KIAA0232: variants seen among roughly 807,000 people sequenced by gnomAD.
KIAA0232 encodes the protein uncharacterized protein KIAA0232.
In KIAA0232, 27 loss-of-function variants were observed where a neutral mutation model predicts 122.0. The ratio of observed to expected loss-of-function variants is 0.22; its 90% CI spans 0.16 to 0.31. The LOEUF (loss-of-function observed/expected upper bound fraction) is 0.31. KIAA0232 is among the 10% of genes least tolerant of loss of function. The pLI is 1.00. For missense variants in KIAA0232, 1,551 were observed against 1,634.2 expected (o/e 0.95, Z 0.88); for synonymous variants, 613 against 587.6 (o/e 1.04, Z -0.63).
At position 6,881,106 on chromosome 4, in the gene KIAA0232, C is replaced by G. The variant is rs1722053482; in HGVS notation, c.*140C>G. The stretch of plus-strand genomic sequence containing the variant: ...TCAGATTGGTAATAATTATCTTTCT[C>G]TTCTTGCTTATTTTAGAGTTGAGGA... On this transcript the variant is annotated 3_prime_UTR_variant, in exon 10 of 10. Coordinates refer to ENST00000307659, the MANE Select transcript of KIAA0232 (RefSeq NM_014743.3). The G allele has an allele frequency of 1.6e-6, 1 of 628,758 alleles. No individual in the cohort carries two copies. Among genetic ancestry groups the G allele is most frequent in the Non-Finnish European group, 2.5e-6 (1 of 407,468 alleles). The allele number at this position is 628,758 out of a possible 1,614,324, so 38.9% of individuals were successfully genotyped here.
At chr4:6,784,435 CG>C (rs371414718) in intron 1 of KIAA0232, among the ~76,000 whole-genome samples, 1 of 133,166 alleles carries the variant, frequency 7.5e-6, no homozygotes, top group Non-Finnish European at 1.6e-5. Context: ...CGGGTGAGGG[CG>C]GGGGGGGAGG....
chr4:6,848,108 A>G (rs973852331), intron 4 of KIAA0232, among the ~76,000 whole-genome samples: 2 of 152,222 alleles, frequency 1.3e-5, no homozygotes, highest in African/African-American at 4.8e-5. Context: ...ATTGTTATTT[A>G]AAGAGCCTTA....
chr4:6,791,004 C>G (rs1306983774), intron 1 of KIAA0232, among the ~76,000 whole-genome samples: 1 of 149,064 alleles, frequency 6.7e-6, no homozygotes, highest in Non-Finnish European at 1.5e-5. Flanking sequence ...CTGCAACCTC[C>G]ACCTCCCGGG....
intron 3 of KIAA0232, among the ~76,000 whole-genome samples, chr4:6,835,596 T>G (rs1300915116): frequency 6.6e-6 from 1 of 152,202 alleles, no homozygotes; most frequent in Non-Finnish European, 1.5e-5. Flanking sequence ...TAGGTATTTC[T>G]CCTAACGCTA....
intron 4 of KIAA0232, among the ~76,000 whole-genome samples, chr4:6,844,688 C>T (rs1050716547): frequency 6.6e-6 from 1 of 152,028 alleles, no homozygotes; most frequent in Non-Finnish European, 1.5e-5. Context: ...CACCTGCTTC[C>T]ACCTCCTGAA....
chr4:6,826,838 A>G (rs1163663904), intron 3 of KIAA0232, among the ~76,000 whole-genome samples: 3 of 152,236 alleles, frequency 2.0e-5, no homozygotes, highest in Admixed American at 6.5e-5. Context: ...TGGGTGCTAC[A>G]GGACATATAG....
chr4:6,843,263 A>C (rs1203250796), intron 4 of KIAA0232, among the ~76,000 whole-genome samples: 1 of 152,200 alleles, frequency 6.6e-6, no homozygotes, highest in East Asian at 1.9e-4. Flanking sequence ...GGTATGGTTT[A>C]AGTACCTTTA....
At chr4:6,808,826 G>A (rs1478033226) in intron 2 of KIAA0232, among the ~76,000 whole-genome samples, 2 of 152,188 alleles carry the variant, frequency 1.3e-5, no homozygotes, top group African/African-American at 4.8e-5. Flanking sequence ...GATTTGGGAA[G>A]TAGTTAGTTC....
intron 3 of KIAA0232, 91 bp downstream of exon 3, chr4:6,824,775 A>T (rs893638978): frequency 2.0e-5 from 22 of 1,073,444 alleles, no homozygotes; most frequent in Middle Eastern, 5.4e-4. Context: ...TTTAAAACTG[A>T]GCTATTCATG....
In KIAA0232 at chr4:6,818,727, T is replaced by C. The variant is rs190302072; in HGVS notation, c.-269-5458T>C. ...AGAACTGGAAAAAAAAAAAAACTAT[T>C]ACAAAATTCGTGTGGAACCAAAAAA... On this transcript the variant is annotated intron_variant, in intron 2 of 9. Transcript: ENST00000307659. 3.4e-3 allele frequency among the ~76,000 whole-genome samples: 521 copies of C among 151,898 alleles called. 3 individuals carry two copies. The highest frequency in any genetic ancestry group is 0.011 in the African/African-American group (475 of 41,440).
intron 2 of KIAA0232, among the ~76,000 whole-genome samples, chr4:6,817,162 GT>G (rs1718171413): frequency 6.6e-6 from 1 of 152,124 alleles, no homozygotes; most frequent in Non-Finnish European, 1.5e-5. Flanking sequence ...CTTTTCTAAT[GT>G]AGACAGTGCT....
At chr4:6,788,347 A>G (rs1716728904) in intron 1 of KIAA0232, among the ~76,000 whole-genome samples, 1 of 152,108 alleles carries the variant, frequency 6.6e-6, no homozygotes, top group African/African-American at 2.4e-5. Context: ...TTATATTTCA[A>G]CACAAGACCT....
In KIAA0232 at chr4:6,863,857, G is replaced by A; in HGVS notation, c.3475G>A (p.Glu1159Lys). 6.2e-7 allele frequency: 1 copy of A among 1,614,164 alleles called. No homozygotes were observed. Among genetic ancestry groups the A allele is most frequent in the East Asian group, 2.2e-5 (1 of 44,886 alleles). The change falls in exon 7 of 10, where the codon GAG becomes AAG. Residue 1159 changes from glutamate (E) to lysine (K), a missense_variant. By Grantham distance (56) the Glu-to-Lys change is moderately conservative. Transcript: ENST00000307659. ...ADLKPLEEDA[E>K]KEGHYYGKSE... is the part of the protein sequence containing the mutation. ...TCTCAAACCTTTGGAAGAAGATGCA[G>A]AGAAAGAAGGCCATTACTATGGAAA...
intron 9 of KIAA0232, among the ~76,000 whole-genome samples, chr4:6,878,386 TACATACATAC>T (rs1721868101): frequency 1.3e-5 from 2 of 151,936 alleles, no homozygotes; most frequent in African/African-American, 2.4e-5. Flanking sequence ...CATTCATACA[TACATACATAC>T]ATACATACAT....
At chr4:6,853,925 A>AT (rs1476774340) in intron 4 of KIAA0232, among the ~76,000 whole-genome samples, 1 of 152,166 alleles carries the variant, frequency 6.6e-6, no homozygotes, top group Non-Finnish European at 1.5e-5. Context: ...CTCCATCATC[A>AT]TTTAACTCTT....
intron 3 of KIAA0232, among the ~76,000 whole-genome samples, chr4:6,828,078 T>C (rs966163683): frequency 3.3e-5 from 5 of 152,386 alleles, no homozygotes; most frequent in South Asian, 4.1e-4. Flanking sequence ...AATATTTTAC[T>C]GTAAAGCTTT....
intron 8 of KIAA0232, among the ~76,000 whole-genome samples, chr4:6,876,118 AT>A (rs1721736829): frequency 6.6e-6 from 1 of 152,066 alleles, no homozygotes; most frequent in Admixed American, 6.6e-5. Context: ...CGCTAGCACC[AT>A]TTCTTTTTCC....
At chr4:6,877,179 C>T (rs914062471) in intron 9 of KIAA0232, among the ~76,000 whole-genome samples, 4 of 152,112 alleles carry the variant, frequency 2.6e-5, no homozygotes, top group African/African-American at 9.7e-5. Flanking sequence ...GTGCTTGTTG[C>T]CGCTGTCCCG....
chr4:6,837,253 C>T (rs934793929), intron 3 of KIAA0232, among the ~76,000 whole-genome samples: 4 of 149,212 alleles, frequency 2.7e-5, no homozygotes, highest in East Asian at 4.0e-4. Context: ...GGGTCACAGA[C>T]GCTCCTCACC....
Sources: allele counts gnomAD v4.1 joint callset (sites outside exome capture counted in the v4.1 genomes callset), GRCh38; gene constraint gnomAD v4.1.1; transcripts MANE v1.5; gene names NCBI Gene and HGNC (gene_info 2026-07-23, HGNC 2026-07-21).